The following OR8B3 variants were observed in gnomAD, a reference collection of about 807,000 sequenced individuals.
OR8B3 encodes olfactory receptor family 8 subfamily B member 3.
For synonymous variants in OR8B3, 102 were observed against 135.4 expected (o/e 0.75, Z 1.71); for missense variants, 278 against 377.6 (o/e 0.74, Z 2.19).
At chr11:124,399,330 T>C (rs1565351823), upstream of OR8B3, among the ~76,000 whole-genome samples, 1 of 152,218 alleles carries the variant, frequency 6.6e-6, no homozygotes, top group African/African-American at 2.4e-5. Flanking sequence ...AAATAATCCA[T>C]TTTTACTTTT....
chr11:124,403,979 G>A (rs1476853886), upstream of OR8B3, among the ~76,000 whole-genome samples: 5 of 152,146 alleles, frequency 3.3e-5, no homozygotes, highest in South Asian at 4.1e-4. Flanking sequence ...CAGGCGTGGC[G>A]GCGCGCGCCT....
chr11:124,403,940 G>A (rs143614002), upstream of OR8B3, among the ~76,000 whole-genome samples: 4 of 152,166 alleles, frequency 2.6e-5, no homozygotes, highest in South Asian at 2.1e-4. Flanking sequence ...GCGAAACCCC[G>A]TCTCCACCAA....
chr11:124,408,764 G>T, the OR8B3 span, among the ~76,000 whole-genome samples: 1 of 152,058 alleles, frequency 6.6e-6, no homozygotes, highest in Non-Finnish European at 1.5e-5. Context: ...CATGGAAGGC[G>T]CCTCCCCATA....
upstream of OR8B3, chr11:124,399,094 A>C (rs150517982): frequency 3.9e-5 from 6 of 152,246 alleles, no homozygotes; most frequent in African/African-American, 1.4e-4. Flanking sequence ...TTTACAGCCT[A>C]ATTTGTTGTA....
upstream of OR8B3, among the ~76,000 whole-genome samples, chr11:124,402,588 T>C (rs146882735): frequency 4.3e-4 from 66 of 152,322 alleles, 2 homozygotes; most frequent in African/African-American, 1.5e-3. Flanking sequence ...CTTTTGTTTG[T>C]AGTCATGGAT....
Position 124,395,755 on chromosome 11 carries a change from G to A in OR8B3, c.*655C>T, listed in dbSNP as rs766104306. ...TCTCTAATCATCCTCTGTAAATGCT[G>A]CCTTTGGCAATAAAAGGTGGAGACA... On this transcript the variant is annotated 3_prime_UTR_variant, in exon 2 of 2. Coordinates refer to ENST00000641139, the MANE Select transcript of OR8B3 (RefSeq NM_001005467.2). 6.6e-6 allele frequency: 1 copy of A among 152,312 alleles called. No homozygotes were observed. The allele number at this position is 152,312 out of a possible 1,614,324, so 9.4% of individuals were successfully genotyped here.
the OR8B3 span, chr11:124,404,396 T>C: frequency 6.6e-6 from 1 of 152,204 alleles, no homozygotes; most frequent in Non-Finnish European, 1.5e-5. Context: ...AGAAAATTTT[T>C]CTTGTGAGTA....
chr11:124,398,747 C>T lies in OR8B3; in HGVS notation c.-75G>A, dbSNP rs1219905119. ...ATTGATATGTGTTTCACCTCCACTG[C>T]CCTGGAGGAAGAAATGGCTGTGAAG... is the stretch of plus-strand genomic sequence containing the variant. On this transcript the variant is annotated 5_prime_UTR_variant, in exon 1 of 2. Coordinates refer to ENST00000641139, the MANE Select transcript of OR8B3 (RefSeq NM_001005467.2). 2 of 152,206 alleles carry T rather than the reference C, an allele frequency of 1.3e-5. No individual in the cohort carries two copies. The highest frequency in any genetic ancestry group is 2.9e-5 in the Non-Finnish European group (2 of 68,046). 9.4% of individuals were successfully genotyped at this position (152,206 alleles called of 1,614,324 possible).
chr11:124,403,511 G>A (rs1233450475), upstream of OR8B3, among the ~76,000 whole-genome samples: 1 of 151,670 alleles, frequency 6.6e-6, no homozygotes, highest in African/African-American at 2.4e-5. Flanking sequence ...TCACATCCCA[G>A]ACGGGGCGGC....
the OR8B3 span, chr11:124,404,384 G>A: frequency 6.6e-6 from 1 of 152,036 alleles, no homozygotes; most frequent in Non-Finnish European, 1.5e-5. Flanking sequence ...AGAAATGGAC[G>A]GAGAAAATTT....
Position 124,397,250 on chromosome 11 carries a change from G to A in OR8B3, c.102C>T (p.Val34=). ...QQPLFFLFLV[V]YIVTMVGNLG... ...GGTTGCCTACCATGGTGACAATGTAGACCACTAGAAACAGGAAAAAGAGGG... is the reference window on the plus strand; with the variant it reads ...GGTTGCCTACCATGGTGACAATGTAAACCACTAGAAACAGGAAAAAGAGGG... The change falls in exon 2 of 2, where the codon GTC becomes GTT. Residue 34 remains valine (V), a synonymous_variant. Coordinates refer to ENST00000641139, the MANE Select transcript of OR8B3 (RefSeq NM_001005467.2). 1 of 1,540,204 alleles carries A rather than the reference G, an allele frequency of 6.5e-7. No homozygotes were observed. Among genetic ancestry groups the A allele is most frequent in the Non-Finnish European group, 8.9e-7 (1 of 1,126,160 alleles).
chr11:124,400,330 G>A (rs969172042), upstream of OR8B3, among the ~76,000 whole-genome samples: 4 of 151,936 alleles, frequency 2.6e-5, no homozygotes, highest in Non-Finnish European at 4.4e-5. Context: ...CTGATTTTCT[G>A]TAGTGTAAAC....
At chr11:124,403,519 G>A (rs1314946333), upstream of OR8B3, among the ~76,000 whole-genome samples, 9 of 151,382 alleles carry the variant, frequency 5.9e-5, no homozygotes, top group African/African-American at 1.9e-4. Context: ...CAGACGGGGC[G>A]GCGGGGCAGA....
At position 124,396,384 on chromosome 11, in the gene OR8B3, T is replaced by A. The variant is rs771172366; in HGVS notation, c.*26A>T. 6.4e-7 allele frequency: 1 copy of A among 1,555,910 alleles called. No homozygotes were observed. The highest frequency in any genetic ancestry group is 2.1e-5 in the Admixed American group (1 of 47,910). Reference sequence around the variant, plus strand: ...CTAATAAAAATTTAAAGTTCTTCAATCGTTTTACATTATTACTGCTTCTAA... The same window carrying A: ...CTAATAAAAATTTAAAGTTCTTCAAACGTTTTACATTATTACTGCTTCTAA... On this transcript the variant is annotated 3_prime_UTR_variant, in exon 2 of 2. Transcript: ENST00000641139.
chr11:124,398,099 G>A (rs962126386), intron 1 of OR8B3, among the ~76,000 whole-genome samples: 2 of 152,254 alleles, frequency 1.3e-5, no homozygotes, highest in East Asian at 3.9e-4. Context: ...AGACCATACC[G>A]ATATTCTGTT....
At position 124,396,255 on chromosome 11, in the gene OR8B3, A is replaced by G. The variant is rs559690431; in HGVS notation, c.*155T>C. The G allele has an allele frequency of 6.4e-6, 5 of 786,376 alleles. No homozygotes were observed. In the Admixed American group the frequency reaches 1.7e-4, roughly 26 times the overall value. The allele number at this position is 786,376 out of a possible 1,614,324, so 48.7% of individuals were successfully genotyped here. A position where few individuals can be genotyped will look rare whatever the true frequency, so the allele number is the denominator to read the frequency against. On this transcript the variant is annotated 3_prime_UTR_variant, in exon 2 of 2. Coordinates refer to ENST00000641139, the MANE Select transcript of OR8B3 (RefSeq NM_001005467.2). ...TGAGAAGTGCCAGAGATGCAAAACC[A>G]AAAAAAGAGACAAGATGATTTCATA...
At chr11:124,408,757 G>A in the OR8B3 span, among the ~76,000 whole-genome samples, 1 of 152,082 alleles carries the variant, frequency 6.6e-6, no homozygotes, top group Admixed American at 6.6e-5. Flanking sequence ...AAAGAGGCAT[G>A]GAAGGCGCCT....
chr11:124,402,846 T>TA (rs1278375753), upstream of OR8B3, among the ~76,000 whole-genome samples: 2 of 151,884 alleles, frequency 1.3e-5, no homozygotes, highest in East Asian at 1.9e-4. Flanking sequence ...TTTTTTTTTT[T>TA]TTATTGATCA....
chr11:124,409,103 C>T, the OR8B3 span, among the ~76,000 whole-genome samples: 152 of 152,290 alleles, frequency 1.0e-3, no homozygotes, highest in East Asian at 0.022. Context: ...CCCTGCATTA[C>T]TTGGACTTTC....
Sources: gnomAD v4.1 joint callset for allele counts (sites outside exome capture counted in the v4.1 genomes callset) on GRCh38, gnomAD v4.1.1 for gene constraint, MANE v1.5 for transcripts, NCBI Gene and HGNC (gene_info 2026-07-23, HGNC 2026-07-21) for gene names.